SEMA3A: variants seen among roughly 807,000 people sequenced by gnomAD.
The protein encoded by SEMA3A is semaphorin-3A.
In SEMA3A, 29 loss-of-function variants were observed where a neutral mutation model predicts 97.9. The ratio of observed to expected loss-of-function variants is 0.30; its 90% CI spans 0.22 to 0.40. SEMA3A has a LOEUF of 0.40. Ranked by LOEUF, SEMA3A falls within the 10% of genes least tolerant of loss-of-function variation. The pLI, the probability that SEMA3A is intolerant of heterozygous loss-of-function variation, is 1.00. For missense variants in SEMA3A, 763 were observed against 951.3 expected, an observed-to-expected ratio of 0.80 and a Z score of 2.60; for synonymous variants, 321 against 323.7, an observed-to-expected ratio of 0.99 and a Z score of 0.09.
At chr7:83,996,898 C>G (rs1790245266) in intron 12 of SEMA3A, among the ~76,000 whole-genome samples, 1 of 152,056 alleles carries the variant, frequency 6.6e-6, no homozygotes, top group South Asian at 2.1e-4. Flanking sequence ...AAATTTTACT[C>G]TAAAATGAAA....
chr7:84,077,759 G>A (rs1399381590), intron 4 of SEMA3A, among the ~76,000 whole-genome samples: 2 of 151,872 alleles, frequency 1.3e-5, no homozygotes, highest in African/African-American at 4.8e-5. Flanking sequence ...AGAATAATTT[G>A]GGAATTTGGA....
rs1484067391 is a variant in SEMA3A, at chr7:84,365,993, A to G, written c.-169+5831T>C. On this transcript the variant is annotated intron_variant, in intron 2 of 3. Transcript: ENST00000424555. ...AACATAAACTAAAAAAAGTGGAGACACTACTTTTTAACTAAATGATTTAAA... is the reference window on the plus strand; with the variant it reads ...AACATAAACTAAAAAAAGTGGAGACGCTACTTTTTAACTAAATGATTTAAA... Among the ~76,000 whole-genome samples the G allele has an allele frequency of 4.0e-5, 6 of 151,490 alleles. No individual in the cohort carries two copies. In the East Asian group the frequency reaches 1.2e-3, roughly 29 times the overall value.
At chr7:84,214,294 T>G (rs1798695333) in intron 3 of SEMA3A, among the ~76,000 whole-genome samples, 1 of 152,238 alleles carries the variant, frequency 6.6e-6, no homozygotes, top group Non-Finnish European at 1.5e-5. Context: ...TAACATTTCC[T>G]CTATACAGTT....
chr7:84,353,422 G>A (rs1178943410), intron 2 of SEMA3A, among the ~76,000 whole-genome samples: 4 of 151,394 alleles, frequency 2.6e-5, no homozygotes, highest in Non-Finnish European at 5.9e-5. Context: ...TAATTTTAAT[G>A]TTTCTCAGAA....
At chr7:84,059,698 T>C (rs1037174794) in intron 5 of SEMA3A, among the ~76,000 whole-genome samples, 1 of 151,266 alleles carries the variant, frequency 6.6e-6, no homozygotes, top group Non-Finnish European at 1.5e-5. Flanking sequence ...TAGAAAAATA[T>C]GTTCAAGAAC....
At chr7:84,353,534 C>A (rs1375219054) in intron 2 of SEMA3A, among the ~76,000 whole-genome samples, 1 of 151,646 alleles carries the variant, frequency 6.6e-6, no homozygotes, top group Admixed American at 6.6e-5. Context: ...TTTCCAGATG[C>A]ATAATCTATT....
intron 3 of SEMA3A, among the ~76,000 whole-genome samples, chr7:84,202,991 C>G (rs1256830542): frequency 6.6e-6 from 1 of 152,062 alleles, no homozygotes; most frequent in Non-Finnish European, 1.5e-5. Flanking sequence ...AATATCTTCT[C>G]TATTCTTCTA....
intron 2 of SEMA3A, among the ~76,000 whole-genome samples, chr7:84,334,739 T>C (rs1457578492): frequency 6.7e-6 from 1 of 149,176 alleles, no homozygotes; most frequent in African/African-American, 2.5e-5. Context: ...TTCCCTCCTG[T>C]CTTGATCCAC....
At chr7:84,030,708 G>T (rs1055923134) in intron 6 of SEMA3A, among the ~76,000 whole-genome samples, 3 of 152,010 alleles carry the variant, frequency 2.0e-5, no homozygotes, top group Non-Finnish European at 4.4e-5. Flanking sequence ...AATTAATAAC[G>T]TATTTTTATC....
At chr7:84,062,695 T>C (rs2115698127) in intron 4 of SEMA3A, among the ~76,000 whole-genome samples, 1 of 152,310 alleles carries the variant, frequency 6.6e-6, no homozygotes, top group African/African-American at 2.4e-5. Context: ...CCCACCCGAA[T>C]ACTGCGCTTT....
chr7:84,246,160 G>A (rs1207118601), intron 3 of SEMA3A, among the ~76,000 whole-genome samples: 1 of 152,212 alleles, frequency 6.6e-6, no homozygotes, highest in African/African-American at 2.4e-5. Context: ...ACACTCAGTT[G>A]GAAATGCAGA....
At chr7:84,175,991 C>T (rs1219792038) in intron 1 of SEMA3A, among the ~76,000 whole-genome samples, 1 of 152,134 alleles carries the variant, frequency 6.6e-6, no homozygotes, top group African/African-American at 2.4e-5. Context: ...ACTCCTATCA[C>T]TTTATTTGAC....
At chr7:84,007,786 CAA>C (rs1052687794) in intron 9 of SEMA3A, among the ~76,000 whole-genome samples, 1 of 152,032 alleles carries the variant, frequency 6.6e-6, no homozygotes, top group Non-Finnish European at 1.5e-5. Flanking sequence ...ATAGGAAAAA[CAA>C]ATACATATAA....
At chr7:84,438,584 A>T (rs1805194030) in intron 1 of SEMA3A, among the ~76,000 whole-genome samples, 1 of 152,072 alleles carries the variant, frequency 6.6e-6, no homozygotes, top group African/African-American at 2.4e-5. Flanking sequence ...GAATTATCAA[A>T]GATTGCCAGA....
chr7:84,061,545 T>A (rs1405951601), intron 4 of SEMA3A, among the ~76,000 whole-genome samples: 2 of 152,190 alleles, frequency 1.3e-5, no homozygotes, highest in Admixed American at 6.5e-5. Context: ...GTCCACAGAC[T>A]GAAATAAAAT....
At chr7:84,056,618 CA>C (rs1792991384) in intron 5 of SEMA3A, among the ~76,000 whole-genome samples, 1 of 151,836 alleles carries the variant, frequency 6.6e-6, no homozygotes, top group South Asian at 2.1e-4. Flanking sequence ...ATCACACACA[CA>C]GAAACACACA....
At chr7:84,215,535 C>A (rs546486216) in intron 3 of SEMA3A, among the ~76,000 whole-genome samples, 2 of 152,336 alleles carry the variant, frequency 1.3e-5, no homozygotes, top group East Asian at 3.9e-4. Flanking sequence ...CCTGACAACT[C>A]AATTTAAACC....
intron 14 of SEMA3A, among the ~76,000 whole-genome samples, chr7:83,977,788 C>CTTTTTTTTTTTTTTTTTTTTTT (rs139682272): frequency 7.1e-6 from 1 of 141,084 alleles, no homozygotes; most frequent in Non-Finnish European, 1.5e-5. Flanking sequence ...TCAACCTATC[C>CTTTTTTTTTTTTTTTTTTTTTT]TTTTTTTTTT....
chr7:84,099,808 G>C (rs11977685), intron 4 of SEMA3A, among the ~76,000 whole-genome samples: 64,169 of 151,676 alleles, frequency 0.42, 15,058 homozygotes, highest in Admixed American at 0.53. Flanking sequence ...AGGGTCTTAT[G>C]ATGTCACTAC....
Sources: gnomAD v4.1 joint callset for allele counts (sites outside exome capture counted in the v4.1 genomes callset) on GRCh38, gnomAD v4.1.1 for gene constraint, MANE v1.5 for transcripts, NCBI Gene and HGNC (gene_info 2026-07-23, HGNC 2026-07-21) for gene names.